ZNF510: variants seen among roughly 807,000 people sequenced by gnomAD.
ZNF510 encodes the protein zinc finger protein 510.
ZNF510 carries 15 observed loss-of-function variants against 18.1 expected under a neutral mutation model. The ratio of observed to expected loss-of-function variants is 0.83; its 90% CI spans 0.55 to 1.28. ZNF510 has a LOEUF of 1.28. Among genes scored for constraint, ZNF510 ranks in the 50% most tolerant of loss-of-function variants. The probability of loss-of-function intolerance (pLI) is 0.00; values close to 1 mark genes in which losing one functional copy is unlikely to be tolerated. For synonymous variants in ZNF510, 261 were observed against 266.4 expected, an observed-to-expected ratio of 0.98 and a Z score of 0.20; for missense variants, 724 against 791.8, an observed-to-expected ratio of 0.91 and a Z score of 1.03.
In ZNF510 at chr9:96,760,311, G is replaced by A. The variant is rs1343659306; in HGVS notation, c.519C>T (p.Ser173=). ...TCACTTCCCATGAGTTGCATTTGCA[G>A]GACATTTTTGTTGAAGCAACAGCAG... ...HVAAVASTKM[S]CKCNSWEVNL... is the part of the protein sequence containing the mutation. Residue 173 remains serine, a synonymous_variant, in exon 6 of 6, where the codon TCC becomes TCT. Coordinates refer to ENST00000223428, the MANE Select transcript of ZNF510 (RefSeq NM_014930.3). The A allele has an allele frequency of 1.2e-6, 2 of 1,613,792 alleles. No individual in the cohort carries two copies. The highest frequency in any genetic ancestry group is 1.1e-5 in the South Asian group (1 of 91,042).
Position 96,759,655 on chromosome 9 carries a change from C to G in ZNF510, c.1175G>C (p.Arg392Thr), listed in dbSNP as rs762547901. 32 of 1,613,644 alleles carry G rather than the reference C, an allele frequency of 2.0e-5. No individual in the cohort carries two copies. The highest frequency in any genetic ancestry group is 1.6e-4 in the East Asian group (7 of 44,872). The change falls in exon 6 of 6, where the codon AGA becomes ACA. Residue 392 changes from arginine to threonine, a missense_variant. Arg to Thr is a moderately conservative substitution (Grantham distance 71). Transcript: ENST00000223428. ...CATTGAGTGACTTCTTCGGCGAACT[C>G]TGTGAACCGACGTCTGGTAGGATTT... ...NKKSYQTSVH[R>T]VRRRSHSMMK...
chr9:96,764,121 A>G (rs1331777983), intron 3 of ZNF510, among the ~76,000 whole-genome samples: 23 of 152,208 alleles, frequency 1.5e-4, no homozygotes, highest in Admixed American at 1.5e-3. Flanking sequence ...TAAATGATCT[A>G]TATATATTTA....
intron 1 of ZNF510, among the ~76,000 whole-genome samples, chr9:96,777,129 A>G (rs940050252): frequency 1.3e-5 from 2 of 152,222 alleles, no homozygotes; most frequent in African/African-American, 2.4e-5. Flanking sequence ...CTAAAGACAG[A>G]GACAGGAGGG....
intron 3 of ZNF510, among the ~76,000 whole-genome samples, chr9:96,764,917 A>G (rs1849435604): frequency 6.6e-6 from 1 of 152,100 alleles, no homozygotes; most frequent in Non-Finnish European, 1.5e-5. Context: ...GTTTGAGACC[A>G]GCCTGACCAA....
chr9:96,759,853 T>G lies in ZNF510; in HGVS notation c.977A>C (p.Tyr326Ser). The stretch of plus-strand genomic sequence containing the variant: ...TTTTATACCCATATTAAGTTTATTA[T>G]ATTCCTCCACAGTTGACTTCTCAAA... ...KSFEKSTVEE[Y>S]NKLNMGIKHY... Residue 326 changes from tyrosine (Y) to serine (S), a missense_variant, in exon 6 of 6, where the codon TAT (tyrosine) becomes TCT (serine). Physicochemically the swap from Tyr to Ser is moderately radical, Grantham distance 144. Coordinates refer to ENST00000223428, the MANE Select transcript of ZNF510 (RefSeq NM_014930.3). 6.2e-7 allele frequency: 1 copy of G among 1,613,592 alleles called. No homozygotes were observed.
intron 3 of ZNF510, among the ~76,000 whole-genome samples, chr9:96,769,831 A>T (rs1447411730): frequency 6.6e-6 from 1 of 152,258 alleles, no homozygotes; most frequent in African/African-American, 2.4e-5. Flanking sequence ...GTTGAATGTC[A>T]TTAATCAAGG....
At chr9:96,761,597 C>A (rs1347237397) in intron 5 of ZNF510, among the ~76,000 whole-genome samples, 2 of 142,628 alleles carry the variant, frequency 1.4e-5, no homozygotes, top group Non-Finnish European at 2.9e-5. Context: ...CACAACTTCT[C>A]TATGCTTAGA....
In ZNF510 at chr9:96,760,387, A is replaced by C; in HGVS notation, c.443T>G (p.Leu148Trp). The C allele has an allele frequency of 6.2e-7, 1 of 1,613,704 alleles. No individual in the cohort carries two copies. The highest frequency in any genetic ancestry group is 2.2e-5 in the East Asian group (1 of 44,820). Residue 148 changes from leucine (L) to tryptophan (W), a missense_variant, in exon 6 of 6, where the codon TTG (leucine) becomes TGG (tryptophan). Physicochemically the swap from Leu to Trp is moderately conservative, Grantham distance 61. Transcript: ENST00000223428. ...CAAAACTTTCTCTTCCTCTGTAGTC[A>C]ATGTTTTATTATTGATACATATTGC... is the stretch of plus-strand genomic sequence containing the variant. ...EQAICINNKT[L>W]TTEEEKVLGK...
At chr9:96,770,190 A>G (rs79570000) in intron 3 of ZNF510, among the ~76,000 whole-genome samples, 4,234 of 152,326 alleles carry the variant, frequency 0.028, 132 homozygotes, top group East Asian at 0.1. Flanking sequence ...TGAATAAACA[A>G]TGTGGTATAT....
At chr9:96,777,513 C>CG (rs1465371628) in intron 1 of ZNF510, 4 of 152,164 alleles carry the variant, frequency 2.6e-5, no homozygotes, top group African/African-American at 9.7e-5. Context: ...CCAAATATAA[C>CG]GGGAATCAAC....
rs780432004 is a variant in ZNF510 at position 96,767,382 on chromosome 9, AATAC to A, written c.130-3754_130-3751del. Among the ~76,000 whole-genome samples the A allele has an allele frequency of 3.9e-5, 6 of 152,124 alleles. No homozygotes were observed. In the South Asian group the frequency reaches 8.3e-4, roughly 21 times the overall value. ...AACCCCTGAGACCCAGAAATTAGAA[AATAC>A]ATTGAGATTACTCACAATGAATACA... On this transcript the variant is annotated intron_variant, in intron 3 of 5. Transcript: ENST00000223428.
rs780366133 is a variant in ZNF510 at position 96,763,635 on chromosome 9, G to C, written c.130-3C>G. On this transcript the variant is annotated splice_polypyrimidine_tract_variant and splice_region_variant and intron_variant, in intron 3 of 5. Coordinates refer to ENST00000223428, the MANE Select transcript of ZNF510 (RefSeq NM_014930.3). ...ACGTCCTTGAATGACACTGATGCCT[G>C]TAACAGTACATTTCTATTCAATCTG... is the stretch of plus-strand genomic sequence containing the variant. 1.9e-6 allele frequency: 3 copies of C among 1,600,226 alleles called. No homozygotes were observed. In the South Asian group the frequency reaches 3.4e-5, roughly 18 times the overall value.
intron 3 of ZNF510, among the ~76,000 whole-genome samples, chr9:96,769,329 C>T (rs1296706936): frequency 2.6e-5 from 4 of 151,462 alleles, no homozygotes; most frequent in Non-Finnish European, 5.9e-5. Context: ...TCCAGCTACT[C>T]GGAAGGCTGA....
intron 5 of ZNF510, among the ~76,000 whole-genome samples, chr9:96,761,239 T>C (rs1315909628): frequency 6.6e-6 from 1 of 152,156 alleles, no homozygotes; most frequent in African/African-American, 2.4e-5. Context: ...GATCATCCCA[T>C]CCTGAGTTTC....
chr9:96,764,457 C>T (rs112765942), intron 3 of ZNF510, among the ~76,000 whole-genome samples: 1 of 152,204 alleles, frequency 6.6e-6, no homozygotes, highest in East Asian at 1.9e-4. Context: ...TGGCCACTTA[C>T]CGCTTTTTAA....
chr9:96,765,112 TA>T (rs138211121), intron 3 of ZNF510, among the ~76,000 whole-genome samples: 1 of 150,788 alleles, frequency 6.6e-6, no homozygotes, highest in Non-Finnish European at 1.5e-5. Flanking sequence ...GATTCTTGTA[TA>T]AAAAACAACA....
At position 96,757,259 on chromosome 9, in the gene ZNF510, TGGAGGTGTCA is replaced by T. The variant is rs1298578800; in HGVS notation, c.*1509_*1518del. The T allele has an allele frequency of 6.6e-6, 1 of 152,192 alleles. No homozygotes were observed. Among genetic ancestry groups the T allele is most frequent in the African/African-American group, 2.4e-5 (1 of 41,452 alleles). The allele number at this position is 152,192 out of a possible 1,614,324, so 9.4% of individuals were successfully genotyped here. On this transcript the variant is annotated 3_prime_UTR_variant, in exon 6 of 6. Coordinates refer to ENST00000223428, the MANE Select transcript of ZNF510 (RefSeq NM_014930.3). ...TTAAAGCAGATATAGCTGGGGTATA[TGGAGGTGTCA>T]GGAGGTGTGGGGGCAGTACCTCTGT...
At chr9:96,761,712 T>G (rs1849352577) in intron 5 of ZNF510, among the ~76,000 whole-genome samples, 1 of 152,238 alleles carries the variant, frequency 6.6e-6, no homozygotes. Flanking sequence ...TGCCTGCTTC[T>G]GACCTTTACA....
intron 3 of ZNF510, among the ~76,000 whole-genome samples, chr9:96,766,809 T>TAGG (rs1000134114): frequency 1.3e-5 from 2 of 150,068 alleles, no homozygotes; most frequent in African/African-American, 5.1e-5. Flanking sequence ...TTCAAACTAT[T>TAGG]AGGAGAGAGA....
Sources: allele counts gnomAD v4.1 joint callset (sites outside exome capture counted in the v4.1 genomes callset), GRCh38; gene constraint gnomAD v4.1.1; transcripts MANE v1.5; gene names NCBI Gene and HGNC (gene_info 2026-07-23, HGNC 2026-07-21).